The following SH3YL1 variants were observed in gnomAD, a reference collection of about 807,000 sequenced individuals.
SH3YL1 encodes SH3 domain-containing YSC84-like protein 1.
A neutral mutation model predicts 45.8 loss-of-function variants in SH3YL1; 41 were observed. The observed-to-expected ratio is 0.89, with a 90% CI of 0.70 to 1.16. SH3YL1 has a LOEUF of 1.16. Among genes scored for constraint, SH3YL1 ranks in the 50% most tolerant of loss-of-function variants. SH3YL1 has a pLI of 0.00. For missense variants in SH3YL1, 389 were observed against 409.6 expected (o/e 0.95, Z 0.43); for synonymous variants, 152 against 151.4 (o/e 1.00, Z -0.03).
chr2:242,369 G>A (rs961798529), intron 4 of SH3YL1, among the ~76,000 whole-genome samples: 2 of 151,728 alleles, frequency 1.3e-5, no homozygotes, highest in African/African-American at 4.8e-5. Flanking sequence ...ATGTATAACA[G>A]TAATAGCACA....
At chr2:238,259 TTGTGTGTG>T (rs3842546) in intron 4 of SH3YL1, among the ~76,000 whole-genome samples, 2,057 of 141,930 alleles carry the variant, frequency 0.014, 21 homozygotes, top group Middle Eastern at 0.029. Context: ...TCCTCCCTCC[TTGTGTGTG>T]TGTGTGTGTG....
intron 4 of SH3YL1, among the ~76,000 whole-genome samples, chr2:237,505 A>G (rs1388931236): frequency 2.0e-5 from 3 of 152,018 alleles, no homozygotes; most frequent in African/African-American, 7.3e-5. Flanking sequence ...ACACATTGGG[A>G]CGGCACTCTC....
chr2:222,259 T>C (rs1667611080), intron 9 of SH3YL1: 1 of 152,238 alleles, frequency 6.6e-6, no homozygotes, highest in Non-Finnish European at 1.5e-5. Context: ...CATTGGTGAC[T>C]GGCAGCTGCC....
intron 4 of SH3YL1, chr2:242,867 G>C: frequency 1.3e-6 from 2 of 1,498,916 alleles, no homozygotes; most frequent in Non-Finnish European, 8.9e-7. Context: ...AGCTGGAGTG[G>C]CACTCTTTAT....
intron 8 of SH3YL1, among the ~76,000 whole-genome samples, chr2:229,183 T>C (rs188015211): frequency 4.6e-5 from 7 of 152,276 alleles, no homozygotes; most frequent in African/African-American, 9.6e-5. Context: ...AAATGAATGA[T>C]AGAGAGAAAG....
chr2:226,163 A>C (rs2103019987), intron 8 of SH3YL1, among the ~76,000 whole-genome samples: 1 of 152,322 alleles, frequency 6.6e-6, no homozygotes, highest in East Asian at 1.9e-4. Flanking sequence ...CTTAATCATG[A>C]CCAAAGTATC....
chr2:219,131 C>T (rs1667475387), intron 9 of SH3YL1, 130 bp from the exon 10 acceptor site: 1 of 597,560 alleles, frequency 1.7e-6, no homozygotes, highest in Non-Finnish European at 2.8e-6. Flanking sequence ...GAAACCACAA[C>T]AGTCTGTGTA....
In SH3YL1 at chr2:233,279, G is replaced by C. The variant is rs772903105; in HGVS notation, c.405-50C>G. 4.1e-6 allele frequency: 6 copies of C among 1,460,018 alleles called. No individual in the cohort carries two copies. In the African/African-American group the frequency reaches 4.3e-5, roughly 10 times the overall value. The allele number at this position is 1,460,018 out of a possible 1,614,324, so 90.4% of individuals were successfully genotyped here. On this transcript the variant is annotated intron_variant, in intron 5 of 9. Transcript: ENST00000356150. Reference sequence around the variant, plus strand: ...ACAAAGCTGTGAGCAGCTCCAAGCCGAGGATCACTATTTAAATAGCACTCC... The same window carrying C: ...ACAAAGCTGTGAGCAGCTCCAAGCCCAGGATCACTATTTAAATAGCACTCC...
intron 8 of SH3YL1, among the ~76,000 whole-genome samples, chr2:229,686 G>A (rs990271929): frequency 1.5e-4 from 19 of 130,906 alleles, no homozygotes; most frequent in Non-Finnish European, 2.0e-4. Flanking sequence ...CCGAGATCCC[G>A]CCACTGCACT....
chr2:244,142 T>A (rs562321859), intron 4 of SH3YL1, among the ~76,000 whole-genome samples: 8 of 152,082 alleles, frequency 5.3e-5, no homozygotes, highest in Admixed American at 2.6e-4. Flanking sequence ...ATGAGAGCGA[T>A]GACAACCACC....
At position 233,151 on chromosome 2, in the gene SH3YL1, G is replaced by A. The variant is rs538534751; in HGVS notation, c.483C>T (p.Gly161=). 40 of 1,598,652 alleles carry A rather than the reference G, an allele frequency of 2.5e-5. No individual in the cohort carries two copies. Among genetic ancestry groups the A allele is most frequent in the South Asian group, 2.2e-4 (20 of 89,230 alleles). The change falls in exon 6 of 10, where the codon GGC becomes GGT. Residue 161 remains glycine (G), a synonymous_variant. Coordinates refer to ENST00000356150, the MANE Select transcript of SH3YL1 (RefSeq NM_015677.4). Reference sequence around the variant, plus strand: ...TCAAACAGCTCCCTTCTAAAGACACGCCTGCAAAGAGTCCCCTTGACTTGC... The same window carrying A: ...TCAAACAGCTCCCTTCTAAAGACACACCTGCAAAGAGTCCCCTTGACTTGC... ...TYCKSRGLFA[G]VSLEGSCLIE...
At chr2:256,015 T>G (rs1669305393) in intron 1 of SH3YL1, 2 of 152,338 alleles carry the variant, frequency 1.3e-5, no homozygotes, top group Non-Finnish European at 2.9e-5. Flanking sequence ...TATAGCTCAG[T>G]GTGCATGGAC....
At chr2:220,188 CAATAAT>C (rs3976788) in intron 9 of SH3YL1, among the ~76,000 whole-genome samples, 4 of 144,576 alleles carry the variant, frequency 2.8e-5, no homozygotes, top group East Asian at 4.1e-4. Context: ...ACCCATAATA[CAATAAT>C]AATAATAATA....
In SH3YL1 at chr2:243,806, G is replaced by A. The variant is rs189360548; in HGVS notation, c.291+3732C>T. On this transcript the variant is annotated intron_variant, in intron 4 of 9. Transcript: ENST00000356150. ...CCACACACTAGCTGTGTGATCTTAG[G>A]TAAGACACTAATGTCTCTGTATATT... 5.3e-3 allele frequency among the ~76,000 whole-genome samples: 799 copies of A among 152,180 alleles called. 9 individuals carry two copies. Among genetic ancestry groups the A allele is most frequent in the African/African-American group, 0.018 (760 of 41,514 alleles).
At chr2:236,287 G>T (rs1364553420) in intron 4 of SH3YL1, among the ~76,000 whole-genome samples, 1 of 152,012 alleles carries the variant, frequency 6.6e-6, no homozygotes, top group East Asian at 1.9e-4. Flanking sequence ...ACCCCTGGGT[G>T]TGAAGAACCA....
At chr2:220,764 CTTAA>C (rs1464021007) in intron 9 of SH3YL1, among the ~76,000 whole-genome samples, 1 of 152,218 alleles carries the variant, frequency 6.6e-6, no homozygotes, top group East Asian at 1.9e-4. Flanking sequence ...AAAGCTGAAT[CTTAA>C]TTAACCAGAA....
intron 1 of SH3YL1, 40 bp from the exon 2 acceptor site, chr2:253,155 T>C: frequency 2.6e-6 from 3 of 1,135,374 alleles, no homozygotes; most frequent in Non-Finnish European, 2.5e-6. Context: ...AAAATTCTGC[T>C]AAATAGAAGT....
intron 6 of SH3YL1, among the ~76,000 whole-genome samples, chr2:232,157 A>C (rs553347948): frequency 2.0e-4 from 30 of 152,030 alleles, no homozygotes; most frequent in South Asian, 2.1e-4. Flanking sequence ...AGAGCCACTT[A>C]ATTTGCATCT....
intron 1 of SH3YL1, among the ~76,000 whole-genome samples, chr2:262,946 A>G (rs1449729883): frequency 1.3e-5 from 2 of 152,208 alleles, no homozygotes; most frequent in African/African-American, 4.8e-5. Context: ...CTCAAACATG[A>G]TAGACAGGAT....
Sources: gnomAD v4.1 joint callset for allele counts (sites outside exome capture counted in the v4.1 genomes callset) on GRCh38, gnomAD v4.1.1 for gene constraint, MANE v1.5 for transcripts, NCBI Gene and HGNC (gene_info 2026-07-23, HGNC 2026-07-21) for gene names.